The following UGT2B15 variants were observed in gnomAD, a reference collection of about 807,000 sequenced individuals.
The protein encoded by UGT2B15 is UDP-glucuronosyltransferase 2B15.
In UGT2B15, 36 loss-of-function variants were observed where a neutral mutation model predicts 45.9. That is an observed-to-expected ratio of 0.78 (90% CI 0.60 to 1.04). The LOEUF (loss-of-function observed/expected upper bound fraction) is 1.04. Ranked by LOEUF, UGT2B15 falls within the 50% of genes least tolerant of loss-of-function variation. The pLI is 0.00. For missense variants in UGT2B15, 617 were observed against 622.4 expected (o/e 0.99, Z 0.09); for synonymous variants, 219 against 216.4 (o/e 1.01, Z -0.11).
chr4:68,651,836 G>T (rs1343253786), intron 5 of UGT2B15, among the ~76,000 whole-genome samples: 1 of 152,020 alleles, frequency 6.6e-6, no homozygotes, highest in African/African-American at 2.4e-5. Context: ...TTTTGCTTAG[G>T]ATTGCCTTGG....
At chr4:68,663,885 T>C (rs1733040200) in intron 2 of UGT2B15, among the ~76,000 whole-genome samples, 2 of 152,060 alleles carry the variant, frequency 1.3e-5, no homozygotes, top group Non-Finnish European at 2.9e-5. Flanking sequence ...TATAATACAG[T>C]ATTATATACT....
At chr4:68,667,096 C>T (rs1277804867) in intron 2 of UGT2B15, among the ~76,000 whole-genome samples, 2 of 151,778 alleles carry the variant, frequency 1.3e-5, no homozygotes, top group African/African-American at 4.8e-5. Flanking sequence ...TTTGGAGTTC[C>T]TGGGAACTGC....
chr4:68,650,657 A>T (rs1405125742), intron 5 of UGT2B15, among the ~76,000 whole-genome samples: 1 of 152,116 alleles, frequency 6.6e-6, no homozygotes, highest in Non-Finnish European at 1.5e-5. Context: ...CTTTGGGTAT[A>T]TACGAAGTAA....
rs545263972 is a variant in UGT2B15, at chr4:68,653,663, A to G, written c.1313+374T>C. ...CATTTCTTAAAATAATGATAATAAA[A>G]ATAAATTTTTGAGAAAGAATAGATT... On this transcript the variant is annotated intron_variant, in intron 5 of 5. Coordinates refer to ENST00000338206, the MANE Select transcript of UGT2B15 (RefSeq NM_001076.4). Among the ~76,000 whole-genome samples, 9 of 152,170 alleles carry G rather than the reference A, an allele frequency of 5.9e-5. No individual in the cohort carries two copies. The South Asian group carries it at 1.9e-3, about 32-fold the overall frequency.
intron 2 of UGT2B15, among the ~76,000 whole-genome samples, chr4:68,664,827 G>T (rs1733074254): frequency 1.3e-5 from 2 of 152,064 alleles, no homozygotes; most frequent in Non-Finnish European, 2.9e-5. Context: ...GCCTCCCGAT[G>T]TGCTGGGATT....
intron 2 of UGT2B15, among the ~76,000 whole-genome samples, chr4:68,664,861 G>A (rs539306915): frequency 1.1e-4 from 16 of 152,178 alleles, no homozygotes; most frequent in African/African-American, 3.9e-4. Context: ...ACTGTGCCTG[G>A]CCTGACATCA....
intron 4 of UGT2B15, among the ~76,000 whole-genome samples, chr4:68,654,723 G>C (rs1319804395): frequency 6.6e-6 from 1 of 151,936 alleles, no homozygotes; most frequent in Non-Finnish European, 1.5e-5. Context: ...ACTGGTAATA[G>C]AAAAGTGTCC....
chr4:68,647,684 A>G (rs1429804258), intron 5 of UGT2B15, among the ~76,000 whole-genome samples: 1 of 152,074 alleles, frequency 6.6e-6, no homozygotes, highest in African/African-American at 2.4e-5. Context: ...GATAGTGGAA[A>G]TGGAATTTGA....
rs776978588 is a variant in UGT2B15 at position 68,654,119 on chromosome 4, C to T, written c.1231G>A (p.Gly411Arg). Residue 411 changes from glycine (G) to arginine (R), a missense_variant, in exon 5 of 6, where the codon GGA (glycine) becomes AGA (arginine). By Grantham distance (125) the Gly-to-Arg change is moderately radical. Coordinates refer to ENST00000338206, the MANE Select transcript of UGT2B15 (RefSeq NM_001076.4). ...HDNIAHMKAK[G>R]AALSVDIRTM... is the part of the protein sequence containing the mutation. The stretch of plus-strand genomic sequence containing the variant: ...CTGATGTCCACACTGAGGGCTGCTC[C>T]CTTGGCTTTCATGTGAGCAATGTTA... The T allele has an allele frequency of 9.3e-6, 15 of 1,613,578 alleles. No individual in the cohort carries two copies. Among genetic ancestry groups the T allele is most frequent in the Non-Finnish European group, 1.3e-5 (15 of 1,179,676 alleles).
intron 1 of UGT2B15, 23 bp downstream of exon 1, chr4:68,669,872 C>A: frequency 6.3e-7 from 1 of 1,576,580 alleles, no homozygotes; most frequent in Non-Finnish European, 8.6e-7. Flanking sequence ...ACTTAATAAG[C>A]ACCAGTTAGA....
At chr4:68,667,251 T>C (rs539933000) in intron 2 of UGT2B15, among the ~76,000 whole-genome samples, 8 of 151,842 alleles carry the variant, frequency 5.3e-5, no homozygotes, top group South Asian at 2.1e-4. Flanking sequence ...CAGCCTCTGC[T>C]CCCAGACTCA....
chr4:68,660,516 C>T (rs1179722148), intron 3 of UGT2B15, among the ~76,000 whole-genome samples: 1 of 151,594 alleles, frequency 6.6e-6, no homozygotes, highest in Non-Finnish European at 1.5e-5. Context: ...TATTCTTCCT[C>T]CTCTGTATAC....
chr4:68,655,797 A>G (rs1379588313), intron 3 of UGT2B15, among the ~76,000 whole-genome samples: 13 of 152,074 alleles, frequency 8.5e-5, no homozygotes, highest in Admixed American at 6.6e-4. Context: ...CCTTGGACAC[A>G]TGTCATCAGG....
At chr4:68,654,585 T>C (rs960716131) in intron 4 of UGT2B15, among the ~76,000 whole-genome samples, 10 of 152,070 alleles carry the variant, frequency 6.6e-5, no homozygotes, top group East Asian at 3.9e-4. Context: ...TATTTAATTT[T>C]TTTTAAAAGG....
intron 2 of UGT2B15, among the ~76,000 whole-genome samples, chr4:68,665,578 C>T (rs1422193780): frequency 2.0e-5 from 3 of 152,076 alleles, no homozygotes; most frequent in African/African-American, 4.8e-5. Flanking sequence ...TGCCTATATG[C>T]ATTTTTCAAA....
rs530793496 is a variant in UGT2B15 at position 68,654,528 on chromosome 4, C to T, written c.1094-272G>A. Among the ~76,000 whole-genome samples, 181 of 151,324 alleles carry T rather than the reference C, an allele frequency of 1.2e-3. 1 individual carries two copies. The highest frequency in any genetic ancestry group is 4.3e-3 in the African/African-American group (176 of 41,314). On this transcript the variant is annotated intron_variant, in intron 4 of 5. Transcript: ENST00000338206. ...TTTTAAGTATTATAAATAATGAGGT[C>T]ACATTTACATATTTAAAAAATATTT... is the stretch of plus-strand genomic sequence containing the variant.
chr4:68,666,748 A>ATTTT (rs1455065826), intron 2 of UGT2B15, among the ~76,000 whole-genome samples: 3,045 of 82,194 alleles, frequency 0.037, 141 homozygotes, highest in East Asian at 0.21. Context: ...ATATATATAT[A>ATTTT]TATATTTTTT....
At chr4:68,669,035 C>G (rs1453685380) in intron 1 of UGT2B15, among the ~76,000 whole-genome samples, 3 of 151,534 alleles carry the variant, frequency 2.0e-5, no homozygotes, top group Admixed American at 6.6e-5. Context: ...TAAGCTAGTC[C>G]CTTGATCCTT....
intron 5 of UGT2B15, among the ~76,000 whole-genome samples, chr4:68,652,687 C>A (rs181757268): frequency 6.7e-6 from 1 of 148,308 alleles, no homozygotes. Flanking sequence ...ACATTGAAAC[C>A]TTTGTATTTC....
Sources: gnomAD v4.1 joint callset for allele counts (sites outside exome capture counted in the v4.1 genomes callset) on GRCh38, gnomAD v4.1.1 for gene constraint, MANE v1.5 for transcripts, NCBI Gene and HGNC (gene_info 2026-07-23, HGNC 2026-07-21) for gene names.